Variants in STRBP observed in about 807,000 individuals in gnomAD.
The protein encoded by STRBP is spermatid perinuclear RNA-binding protein.
STRBP carries 13 observed loss-of-function variants against 80.1 expected under a neutral mutation model. That is an observed-to-expected ratio of 0.16 (90% CI 0.11 to 0.26). STRBP has a LOEUF of 0.26. Ranked by LOEUF, STRBP falls within the 10% of genes least tolerant of loss-of-function variation. The probability of loss-of-function intolerance (pLI) is 1.00; values close to 1 mark genes in which losing one functional copy is unlikely to be tolerated. For synonymous variants in STRBP, 284 were observed against 291.2 expected (o/e 0.98, Z 0.25); for missense variants, 485 against 815.2 (o/e 0.59, Z 4.93).
chr9:123,133,536 CT>C, intron 16 of STRBP, among the ~76,000 whole-genome samples: 1 of 149,580 alleles, frequency 6.7e-6, no homozygotes, highest in Non-Finnish European at 1.5e-5. Flanking sequence ...TACTAATTAT[CT>C]TTTTTTGGTT....
At chr9:123,255,338 T>C (rs1199695979) in intron 1 of STRBP, among the ~76,000 whole-genome samples, 2 of 152,260 alleles carry the variant, frequency 1.3e-5, no homozygotes, top group Non-Finnish European at 2.9e-5. Context: ...GAGTATGGTA[T>C]GGCAAAAGCA....
Position 123,158,447 on chromosome 9 carries a change from C to T in STRBP, c.836-18G>A. 1 of 1,607,806 alleles carries T rather than the reference C, an allele frequency of 6.2e-7. No individual in the cohort carries two copies. Among genetic ancestry groups the T allele is most frequent in the Non-Finnish European group, 8.5e-7 (1 of 1,174,954 alleles). On this transcript the variant is annotated intron_variant, in intron 9 of 18. Transcript: ENST00000348403. ...AGGACCCCCTTTGGCAAAGGAAAAA[C>T]ACAAGTATCATTTAGAACTGAGTTT... is the stretch of plus-strand genomic sequence containing the variant.
chr9:123,204,312 C>T (rs1362527563), intron 2 of STRBP, among the ~76,000 whole-genome samples: 1 of 152,238 alleles, frequency 6.6e-6, no homozygotes, highest in African/African-American at 2.4e-5. Flanking sequence ...AGTGAAGTAA[C>T]TGCAGAACTA....
intron 1 of STRBP, among the ~76,000 whole-genome samples, chr9:123,249,527 G>T (rs1424712663): frequency 1.3e-5 from 2 of 152,032 alleles, no homozygotes; most frequent in Admixed American, 1.3e-4. Flanking sequence ...TGCAGTCCCA[G>T]ACACCAAGGA....
chr9:123,134,288 A>G (rs776650321), intron 16 of STRBP, among the ~76,000 whole-genome samples: 2 of 152,232 alleles, frequency 1.3e-5, no homozygotes, highest in African/African-American at 2.4e-5. Context: ...TAAAGTCAAC[A>G]GTGTCTAAGA....
intron 1 of STRBP, among the ~76,000 whole-genome samples, chr9:123,263,427 A>G (rs2041199177): frequency 6.7e-6 from 1 of 149,606 alleles, no homozygotes; most frequent in African/African-American, 2.5e-5. Flanking sequence ...CGAGATGCTA[A>G]GGCGGGAGGA....
chr9:123,111,402 T>C (rs1289574897), intron 3 of STRBP: 4 of 311,800 alleles, frequency 1.3e-5, no homozygotes, highest in South Asian at 8.2e-5. Context: ...CCTTGATCCA[T>C]TTCCATGAAC....
chr9:123,266,251 C>A (rs192677167), intron 1 of STRBP, among the ~76,000 whole-genome samples: 28 of 152,272 alleles, frequency 1.8e-4, no homozygotes, highest in Non-Finnish European at 2.8e-4. Flanking sequence ...CCACTACACA[C>A]CTCTCCCAAA....
At chr9:123,198,326 C>A (rs561189861) in intron 2 of STRBP, among the ~76,000 whole-genome samples, 2 of 152,044 alleles carry the variant, frequency 1.3e-5, no homozygotes, top group African/African-American at 2.4e-5. Flanking sequence ...TTTGTAGAGA[C>A]ACATTTTCAC....
chr9:123,210,962 A>G (rs1189864297), intron 2 of STRBP, among the ~76,000 whole-genome samples: 2 of 152,210 alleles, frequency 1.3e-5, no homozygotes, highest in Non-Finnish European at 2.9e-5. Context: ...CTTTTTATGT[A>G]TTGATGGTAG....
chr9:123,200,825 C>T (rs557845218), intron 2 of STRBP, among the ~76,000 whole-genome samples: 3 of 142,636 alleles, frequency 2.1e-5, no homozygotes, highest in African/African-American at 5.2e-5. Context: ...TCATGAGCCG[C>T]CCGCCTCGGC....
At chr9:123,183,838 T>C (rs1178487897) in intron 3 of STRBP, among the ~76,000 whole-genome samples, 1 of 152,214 alleles carries the variant, frequency 6.6e-6, no homozygotes, top group Non-Finnish European at 1.5e-5. Context: ...AACCTAGCTA[T>C]TTGTATCAGT....
At chr9:123,238,292 CA>C (rs1317089419) in intron 1 of STRBP, among the ~76,000 whole-genome samples, 2 of 152,172 alleles carry the variant, frequency 1.3e-5, no homozygotes, top group African/African-American at 4.8e-5. Flanking sequence ...CTAAAAAATA[CA>C]ATCAAAGAAT....
rs117617567 is a variant in STRBP, at chr9:123,243,780, C to T, written c.-301-6814G>A. On this transcript the variant is annotated intron_variant, in intron 1 of 18. Transcript: ENST00000348403. ...CCAATCATAATGAAAAGAATTACTACATAAGTATCGGAATGGTTAAAATAA... is the reference window on the plus strand; with the variant it reads ...CCAATCATAATGAAAAGAATTACTATATAAGTATCGGAATGGTTAAAATAA... 5.3e-4 allele frequency among the ~76,000 whole-genome samples: 81 copies of T among 152,218 alleles called. No individual in the cohort carries two copies. In the East Asian group the frequency reaches 0.011, roughly 21 times the overall value.
At chr9:123,146,813 C>A in intron 13 of STRBP, 42 bp downstream of exon 13, 1 of 1,502,046 alleles carries the variant, frequency 6.7e-7, no homozygotes, top group Non-Finnish European at 9.1e-7. Flanking sequence ...TTATTTGGAA[C>A]ATAAAATAAG....
intron 1 of STRBP, among the ~76,000 whole-genome samples, chr9:123,250,792 A>C (rs1158678013): frequency 6.6e-6 from 1 of 152,192 alleles, no homozygotes; most frequent in Non-Finnish European, 1.5e-5. Flanking sequence ...CCATTTCATA[A>C]CGAGTAATCA....
At position 123,243,436 on chromosome 9, in the gene STRBP, G is replaced by T. The variant is rs932583551; in HGVS notation, c.-301-6470C>A. Among the ~76,000 whole-genome samples the T allele has an allele frequency of 4.6e-5, 7 of 152,178 alleles. No individual in the cohort carries two copies. The South Asian group carries it at 1.4e-3, about 32-fold the overall frequency. On this transcript the variant is annotated intron_variant, in intron 1 of 18. Transcript: ENST00000348403. ...GGCTAGTTGAAGAGTTCTTGCAAAA[G>T]CAAGATTCGTAAAAGGAAAACCTGA... is the stretch of plus-strand genomic sequence containing the variant.
intron 1 of STRBP, among the ~76,000 whole-genome samples, chr9:123,238,478 A>G (rs2040618310): frequency 6.6e-6 from 1 of 152,236 alleles, no homozygotes. Flanking sequence ...TAACCAAGGA[A>G]GACAGCTGCA....
intron 2 of STRBP, among the ~76,000 whole-genome samples, chr9:123,189,838 A>C (rs2132481406): frequency 6.6e-6 from 1 of 152,344 alleles, no homozygotes; most frequent in African/African-American, 2.4e-5. Flanking sequence ...CAGAGAACTT[A>C]AAGTATAATA....
Sources: gnomAD v4.1 joint callset for allele counts (sites outside exome capture counted in the v4.1 genomes callset) on GRCh38, gnomAD v4.1.1 for gene constraint, MANE v1.5 for transcripts, NCBI Gene and HGNC (gene_info 2026-07-23, HGNC 2026-07-21) for gene names.